TMTC1: variants seen among roughly 807,000 people sequenced by gnomAD.
The protein encoded by TMTC1 is transmembrane O-mannosyltransferase targeting cadherins 1.
TMTC1 carries 73 observed loss-of-function variants against 104.8 expected under a neutral mutation model. That is an observed-to-expected ratio of 0.70 (90% CI 0.58 to 0.85). TMTC1 has a LOEUF of 0.85. Ranked by LOEUF, TMTC1 falls within the 40% of genes least tolerant of loss-of-function variation. The pLI is 0.00. For synonymous variants in TMTC1, 434 were observed against 428.7 expected (o/e 1.01, Z -0.15); for missense variants, 1,035 against 1,096.1 (o/e 0.94, Z 0.79).
chr12:29,560,623 A>C (rs1565671693), intron 9 of TMTC1, among the ~76,000 whole-genome samples: 1 of 152,206 alleles, frequency 6.6e-6, no homozygotes, highest in Non-Finnish European at 1.5e-5. Flanking sequence ...GATTAAAAAA[A>C]ATAACAAAAC....
intron 6 of TMTC1, among the ~76,000 whole-genome samples, chr12:29,619,539 C>T (rs547883606): frequency 3.5e-4 from 53 of 152,320 alleles, no homozygotes; most frequent in South Asian, 4.1e-4. Context: ...GTTGTTCCAA[C>T]CCCTGATACT....
intron 12 of TMTC1, 121 bp from the exon 13 acceptor site, chr12:29,518,728 T>C: frequency 7.9e-7 from 1 of 1,264,490 alleles, no homozygotes; most frequent in Non-Finnish European, 1.1e-6. Context: ...CCAAAATTAT[T>C]CAATATGCAA....
At chr12:29,511,252 T>A (rs1252772045) in intron 17 of TMTC1, among the ~76,000 whole-genome samples, 3 of 148,794 alleles carry the variant, frequency 2.0e-5, no homozygotes, top group African/African-American at 7.9e-5. Context: ...TATTAATATA[T>A]CAACTCCTCC....
intron 5 of TMTC1, among the ~76,000 whole-genome samples, chr12:29,668,454 C>CT (rs66652706): frequency 0.018 from 1,612 of 90,008 alleles, 97 homozygotes; most frequent in African/African-American, 0.022. Flanking sequence ...ACCAACTTAT[C>CT]TTTTTTTTTT....
At chr12:29,632,026 G>A (rs1221112527) in intron 6 of TMTC1, among the ~76,000 whole-genome samples, 1 of 152,160 alleles carries the variant, frequency 6.6e-6, no homozygotes, top group African/African-American at 2.4e-5. Context: ...TTGTGCATAT[G>A]TCATTTAACA....
At chr12:29,659,741 C>A in intron 5 of TMTC1, 1 of 614,806 alleles carries the variant, frequency 1.6e-6, no homozygotes, top group Non-Finnish European at 2.7e-6. Flanking sequence ...TTATTGGAAA[C>A]AATTTCAAAT....
At chr12:29,637,411 A>G (rs1938613486) in intron 5 of TMTC1, among the ~76,000 whole-genome samples, 1 of 152,212 alleles carries the variant, frequency 6.6e-6, no homozygotes, top group South Asian at 2.1e-4. Flanking sequence ...TCTACCACAA[A>G]TTCTGTGAAC....
intron 9 of TMTC1, among the ~76,000 whole-genome samples, chr12:29,567,930 T>A (rs1352061687): frequency 1.3e-5 from 2 of 152,216 alleles, no homozygotes; most frequent in Non-Finnish European, 2.9e-5. Flanking sequence ...ATTGGTTAAT[T>A]AAACATGGTT....
chr12:29,506,236 G>A lies in TMTC1; in HGVS notation c.*610C>T, dbSNP rs1454059101. The A allele has an allele frequency of 6.6e-6, 1 of 152,160 alleles. No individual in the cohort carries two copies. Among genetic ancestry groups the A allele is most frequent in the Non-Finnish European group, 1.5e-5 (1 of 68,052 alleles). 9.4% of individuals were successfully genotyped at this position (152,160 alleles called of 1,614,324 possible). Reference sequence around the variant, plus strand: ...CATGTACAATTCCAGGAGCTTCCCTGTAATTCCTCAAAAAAGCACTAGTAA... The same window carrying A: ...CATGTACAATTCCAGGAGCTTCCCTATAATTCCTCAAAAAAGCACTAGTAA... On this transcript the variant is annotated 3_prime_UTR_variant, in exon 18 of 18. Coordinates refer to ENST00000539277, the MANE Select transcript of TMTC1 (RefSeq NM_001193451.2).
chr12:29,735,291 AG>A (rs1344944965), intron 5 of TMTC1, among the ~76,000 whole-genome samples: 1 of 152,200 alleles, frequency 6.6e-6, no homozygotes, highest in African/African-American at 2.4e-5. Context: ...GCCATGCTGC[AG>A]GGGCCTGATT....
chr12:29,719,122 T>C (rs1192990650), intron 5 of TMTC1, among the ~76,000 whole-genome samples: 1 of 152,142 alleles, frequency 6.6e-6, no homozygotes, highest in Non-Finnish European at 1.5e-5. Context: ...GTAAATAAAA[T>C]AATAGTGCAT....
intron 9 of TMTC1, among the ~76,000 whole-genome samples, chr12:29,569,691 C>CA (rs773445235): frequency 1.3e-5 from 2 of 152,172 alleles, no homozygotes; most frequent in Non-Finnish European, 2.9e-5. Flanking sequence ...TAAAAAACAA[C>CA]AACAACAAAA....
intron 5 of TMTC1, among the ~76,000 whole-genome samples, chr12:29,662,281 T>A (rs1300393071): frequency 6.6e-6 from 1 of 152,160 alleles, no homozygotes; most frequent in Non-Finnish European, 1.5e-5. Context: ...AAGGTAATGT[T>A]CTATAAGGTA....
At chr12:29,754,962 C>T (rs1943181091) in intron 4 of TMTC1, among the ~76,000 whole-genome samples, 2 of 151,988 alleles carry the variant, frequency 1.3e-5, no homozygotes, top group Non-Finnish European at 2.9e-5. Context: ...AATAAATTAG[C>T]CACATCTTTT....
At chr12:29,698,029 C>T (rs1205042025) in intron 5 of TMTC1, among the ~76,000 whole-genome samples, 1 of 152,124 alleles carries the variant, frequency 6.6e-6, no homozygotes, top group Admixed American at 6.5e-5. Flanking sequence ...AAATTAAAGG[C>T]CCTTGGAAAT....
intron 5 of TMTC1, among the ~76,000 whole-genome samples, chr12:29,636,440 T>C (rs772724968): frequency 1.3e-5 from 2 of 152,220 alleles, no homozygotes; most frequent in Non-Finnish European, 2.9e-5. Flanking sequence ...CTTTATGTCT[T>C]CTAGATGTGC....
chr12:29,758,594 T>C, intron 3 of TMTC1, 110 bp downstream of exon 3: 1 of 1,088,322 alleles, frequency 9.2e-7, no homozygotes, highest in South Asian at 1.3e-5. Context: ...CCTGGAAATC[T>C]TGCTTAGCAT....
chr12:29,710,820 T>G (rs1941888808), intron 5 of TMTC1, among the ~76,000 whole-genome samples: 1 of 129,412 alleles, frequency 7.7e-6, no homozygotes, highest in Admixed American at 8.5e-5. Context: ...TATAATATAA[T>G]GTTTATATAA....
At chr12:29,547,483 G>A (rs1944972373) in intron 10 of TMTC1, among the ~76,000 whole-genome samples, 1 of 152,208 alleles carries the variant, frequency 6.6e-6, no homozygotes, top group African/African-American at 2.4e-5. Context: ...TCTTGAGTAA[G>A]TACATAGACA....
Sources: allele counts gnomAD v4.1 joint callset (sites outside exome capture counted in the v4.1 genomes callset), GRCh38; gene constraint gnomAD v4.1.1; transcripts MANE v1.5; gene names NCBI Gene and HGNC (gene_info 2026-07-23, HGNC 2026-07-21).